Variants in SIPA1L3 observed in about 807,000 individuals in gnomAD.
The protein encoded by SIPA1L3 is signal induced proliferation associated 1 like 3.
A neutral mutation model predicts 150.1 loss-of-function variants in SIPA1L3; 59 were observed. That is an observed-to-expected ratio of 0.39 (90% CI 0.32 to 0.49). SIPA1L3 has a LOEUF of 0.49. SIPA1L3 is among the 20% of genes least tolerant of loss of function. The pLI is 0.86. For missense variants in SIPA1L3, 2,211 were observed against 2,489.5 expected, an observed-to-expected ratio of 0.89 and a Z score of 2.38; for synonymous variants, 1,070 against 1,077.6, an observed-to-expected ratio of 0.99 and a Z score of 0.14.
chr19:37,938,637 T>A (rs2046623664), intron 1 of SIPA1L3, among the ~76,000 whole-genome samples: 1 of 151,328 alleles, frequency 6.6e-6, no homozygotes, highest in Non-Finnish European at 1.5e-5. Flanking sequence ...TTTTTTTTTT[T>A]TTTTAGGTGG....
In SIPA1L3 at chr19:38,010,337, G is replaced by T. The variant is rs772203980; in HGVS notation, c.-378-18752G>T. ...GTGGGAGGATCACTGTAGTCCAGGA[G>T]TTTGAGGCTATAGTAAGCTAAAATC... is the stretch of plus-strand genomic sequence containing the variant. On this transcript the variant is annotated intron_variant, in intron 1 of 21. Transcript: ENST00000222345. Among the ~76,000 whole-genome samples the T allele has an allele frequency of 2.0e-5, 3 of 151,400 alleles. No homozygotes were observed. The East Asian group carries it at 5.8e-4, about 29-fold the overall frequency.
At chr19:38,092,437 G>A (rs541529446) in intron 4 of SIPA1L3, among the ~76,000 whole-genome samples, 2 of 151,884 alleles carry the variant, frequency 1.3e-5, no homozygotes, top group East Asian at 1.9e-4. Context: ...CATGGATACT[G>A]GGTTATATAA....
intron 4 of SIPA1L3, among the ~76,000 whole-genome samples, chr19:38,097,499 G>A (rs1310009590): frequency 1.3e-5 from 2 of 152,178 alleles, no homozygotes; most frequent in Admixed American, 1.3e-4. Context: ...TTCTTGATTT[G>A]GATAGTGATT....
intron 1 of SIPA1L3, among the ~76,000 whole-genome samples, chr19:37,992,886 C>T (rs996833757): frequency 6.6e-6 from 1 of 152,076 alleles, no homozygotes; most frequent in Non-Finnish European, 1.5e-5. Context: ...CCATTCAGGT[C>T]GCCTACGTGC....
At chr19:37,932,583 G>A (rs916305484) in intron 1 of SIPA1L3, 4 of 152,094 alleles carry the variant, frequency 2.6e-5, no homozygotes, top group African/African-American at 9.7e-5. Context: ...GAGAGCCAAG[G>A]CAGGTGGCCT....
At chr19:38,016,064 A>C (rs948257946) in intron 1 of SIPA1L3, among the ~76,000 whole-genome samples, 1 of 152,220 alleles carries the variant, frequency 6.6e-6, no homozygotes, top group Non-Finnish European at 1.5e-5. Flanking sequence ...TGCATGCTCC[A>C]TTGGCCCTGG....
At chr19:37,957,708 T>TTTTAA (rs1568479000) in intron 1 of SIPA1L3, among the ~76,000 whole-genome samples, 1 of 151,842 alleles carries the variant, frequency 6.6e-6, no homozygotes, top group South Asian at 2.1e-4. Flanking sequence ...CCCAGCTAAT[T>TTTTAA]TTTAATTTAA....
intron 9 of SIPA1L3, among the ~76,000 whole-genome samples, chr19:38,128,059 T>TG (rs894854503): frequency 2.2e-5 from 3 of 138,102 alleles, no homozygotes; most frequent in African/African-American, 8.2e-5. Flanking sequence ...TTTTTTTTTT[T>TG]TTTTTTTTTT....
chr19:37,929,402 A>G (rs564519246), intron 1 of SIPA1L3, among the ~76,000 whole-genome samples: 4 of 152,346 alleles, frequency 2.6e-5, no homozygotes, highest in Non-Finnish European at 5.9e-5. Flanking sequence ...CGTGCTTACC[A>G]GCTTTGTTTT....
chr19:38,072,175 G>A (rs1428192091), intron 2 of SIPA1L3, among the ~76,000 whole-genome samples: 1 of 152,166 alleles, frequency 6.6e-6, no homozygotes. Context: ...TAGCCATGTG[G>A]CTATGAGTTA....
intron 9 of SIPA1L3, among the ~76,000 whole-genome samples, chr19:38,124,147 C>T (rs574776668): frequency 0.021 from 3,186 of 148,696 alleles, 106 homozygotes; most frequent in African/African-American, 0.072. Context: ...CGGGCGGAGA[C>T]GCTCCTCACT....
chr19:38,140,855 C>T (rs1165249622), intron 10 of SIPA1L3, among the ~76,000 whole-genome samples: 2 of 151,750 alleles, frequency 1.3e-5, no homozygotes, highest in Non-Finnish European at 2.9e-5. Context: ...GTCAGGAGTT[C>T]GAGACCAGCC....
At chr19:38,191,368 C>T (rs926347809) in intron 16 of SIPA1L3, among the ~76,000 whole-genome samples, 5 of 151,712 alleles carry the variant, frequency 3.3e-5, no homozygotes, top group African/African-American at 1.2e-4. Context: ...CTGCTGCATT[C>T]CAGCCTGGGC....
At chr19:37,977,898 C>G (rs748828427) in intron 1 of SIPA1L3, among the ~76,000 whole-genome samples, 17 of 152,274 alleles carry the variant, frequency 1.1e-4, no homozygotes, top group Admixed American at 2.0e-4. Context: ...TTAGGAGGTC[C>G]TTCGTAAATG....
intron 1 of SIPA1L3, among the ~76,000 whole-genome samples, chr19:38,023,754 G>T (rs1047132511): frequency 1.3e-4 from 20 of 152,338 alleles, no homozygotes; most frequent in African/African-American, 3.8e-4. Flanking sequence ...GAAGAGAAAG[G>T]CCTGGCTGTC....
At chr19:38,088,908 C>A (rs1970201231) in intron 4 of SIPA1L3, 57 bp downstream of exon 4, 6 of 1,590,048 alleles carry the variant, frequency 3.8e-6, no homozygotes, top group Non-Finnish European at 5.2e-6. Flanking sequence ...ACATCTCGAG[C>A]CAGGTTCTGG....
Position 37,913,550 on chromosome 19 carries a change from T to C in SIPA1L3, c.-379+6192T>C, listed in dbSNP as rs562303606. On this transcript the variant is annotated intron_variant, in intron 1 of 21. Coordinates refer to ENST00000222345, the MANE Select transcript of SIPA1L3 (RefSeq NM_015073.3). ...AACTGGGATTACAGGCATGCGCCAC[T>C]ATGCCCTGCTGATTTTTGTATTTTT... Among the ~76,000 whole-genome samples, 22 of 152,214 alleles carry C rather than the reference T, an allele frequency of 1.4e-4. 1 individual carries two copies. The South Asian group carries it at 3.9e-3, about 27-fold the overall frequency.
intron 3 of SIPA1L3, among the ~76,000 whole-genome samples, chr19:38,087,576 G>C (rs1330058528): frequency 1.3e-5 from 2 of 152,134 alleles, no homozygotes; most frequent in African/African-American, 4.8e-5. Context: ...TGAGATACTT[G>C]GGTTATACAT....
chr19:38,202,179 A>G (rs1424446561), intron 20 of SIPA1L3, among the ~76,000 whole-genome samples, 182 bp downstream of exon 20: 2 of 152,202 alleles, frequency 1.3e-5, no homozygotes, highest in African/African-American at 4.8e-5. Flanking sequence ...CTGTCTGTGC[A>G]CTGGGGATCC....
Sources: allele counts gnomAD v4.1 joint callset (sites outside exome capture counted in the v4.1 genomes callset), GRCh38; gene constraint gnomAD v4.1.1; transcripts MANE v1.5; gene names NCBI Gene and HGNC (gene_info 2026-07-23, HGNC 2026-07-21).